PDE6A: variants seen among roughly 807,000 people sequenced by gnomAD.
PDE6A encodes phosphodiesterase 6A, also known as rod cGMP-specific 3',5'-cyclic phosphodiesterase subunit alpha.
Under a neutral mutation model 106.3 loss-of-function variants are expected in PDE6A, and 84 were observed. That is an observed-to-expected ratio of 0.79 (90% confidence interval 0.66 to 0.95). The LOEUF is 0.95. Ranked by LOEUF, PDE6A falls within the 40% of genes least tolerant of loss-of-function variation. The pLI is 0.00. For missense variants in PDE6A, 1,052 were observed against 1,084.9 expected, an observed-to-expected ratio of 0.97 and a Z score of 0.43; for synonymous variants, 394 against 386.6, an observed-to-expected ratio of 1.02 and a Z score of -0.23.
chr5:149,881,878 A>AC (rs534535888), intron 17 of PDE6A, among the ~76,000 whole-genome samples: 102 of 151,796 alleles, frequency 6.7e-4, no homozygotes, highest in African/African-American at 2.3e-3. Context: ...ACATGGCAAA[A>AC]CCTGTTTCTA....
At chr5:149,932,712 G>A in intron 3 of PDE6A, 2 of 1,527,714 alleles carry the variant, frequency 1.3e-6, no homozygotes, top group Middle Eastern at 1.9e-4. Context: ...CTCACCAAAT[G>A]TGTACCAACT....
chr5:149,935,941 C>T (rs1754167458), intron 1 of PDE6A, among the ~76,000 whole-genome samples: 1 of 152,096 alleles, frequency 6.6e-6, no homozygotes, highest in Non-Finnish European at 1.5e-5. Context: ...TGCTTGCGTT[C>T]AGTAGTCCAA....
At chr5:149,907,287 C>T (rs963250692) in intron 7 of PDE6A, 25 bp downstream of exon 7, 2 of 1,562,370 alleles carry the variant, frequency 1.3e-6, no homozygotes, top group Non-Finnish European at 1.8e-6. Flanking sequence ...CCAAAACTCT[C>T]CCCCTTCAAA....
intron 17 of PDE6A, among the ~76,000 whole-genome samples, chr5:149,870,457 C>T (rs528992486): frequency 3.3e-4 from 51 of 152,288 alleles, no homozygotes; most frequent in African/African-American, 1.2e-3. Flanking sequence ...ATAAGAGTCA[C>T]TGGCTCCCTG....
chr5:149,936,312 G>C (rs1754184069), intron 1 of PDE6A, among the ~76,000 whole-genome samples: 1 of 152,184 alleles, frequency 6.6e-6, no homozygotes, highest in Admixed American at 6.5e-5. Context: ...CAGGTGAAGG[G>C]TAAAGGAATT....
intron 4 of PDE6A, among the ~76,000 whole-genome samples, chr5:149,930,083 A>G (rs1434814557): frequency 6.6e-6 from 1 of 152,204 alleles, no homozygotes; most frequent in African/African-American, 2.4e-5. Flanking sequence ...ATAAAGGCTC[A>G]TTAAAAAGAA....
At chr5:149,913,334 A>C (rs1753443410) in intron 6 of PDE6A, among the ~76,000 whole-genome samples, 1 of 151,238 alleles carries the variant, frequency 6.6e-6, no homozygotes, top group Admixed American at 6.6e-5. Context: ...GTGAGCTGAG[A>C]TTCGGCCACT....
intron 9 of PDE6A, among the ~76,000 whole-genome samples, chr5:149,898,976 G>T (rs1581181011): frequency 6.6e-6 from 1 of 152,122 alleles, no homozygotes; most frequent in Admixed American, 6.6e-5. Flanking sequence ...TGATCCTCTT[G>T]CTTCAGTCTC....
chr5:149,898,560 A>T (rs1752845464), intron 9 of PDE6A, 54 bp from the exon 10 acceptor site: 1 of 1,567,196 alleles, frequency 6.4e-7, no homozygotes, highest in Non-Finnish European at 8.7e-7. Context: ...TTTAATCTTG[A>T]CTCTAAAACT....
intron 13 of PDE6A, among the ~76,000 whole-genome samples, chr5:149,893,898 C>T (rs1752634495): frequency 6.6e-6 from 1 of 152,134 alleles, no homozygotes; most frequent in Non-Finnish European, 1.5e-5. Flanking sequence ...ATAATAACTC[C>T]CACAATCAGA....
intron 3 of PDE6A, chr5:149,932,225 A>G: frequency 7.4e-7 from 1 of 1,346,002 alleles, no homozygotes; most frequent in Non-Finnish European, 1.1e-6. Context: ...AAATGCCATA[A>G]AGAGAATCAT....
intron 13 of PDE6A, among the ~76,000 whole-genome samples, chr5:149,893,748 G>T (rs1295350839): frequency 2.0e-5 from 3 of 152,144 alleles, no homozygotes; most frequent in Non-Finnish European, 4.4e-5. Flanking sequence ...CTCTGTTCAT[G>T]CATCACTAGC....
chr5:149,866,084 G>T, intron 20 of PDE6A, 86 bp downstream of exon 20: 1 of 961,058 alleles, frequency 1.0e-6, no homozygotes, highest in Non-Finnish European at 1.7e-6. Flanking sequence ...CTGGTCACCT[G>T]CTAGGGTTTA....
intron 20 of PDE6A, among the ~76,000 whole-genome samples, chr5:149,865,420 A>AG (rs1020593161): frequency 6.6e-6 from 1 of 150,802 alleles, no homozygotes; most frequent in African/African-American, 2.5e-5. Context: ...AAGAAAAAAA[A>AG]AAAACCAGCA....
intron 13 of PDE6A, among the ~76,000 whole-genome samples, chr5:149,891,290 T>C (rs1752536566): frequency 6.6e-6 from 1 of 152,042 alleles, no homozygotes; most frequent in Admixed American, 6.6e-5. Flanking sequence ...GCCAACATGA[T>C]GAAACCCCGT....
intron 5 of PDE6A, among the ~76,000 whole-genome samples, chr5:149,920,942 A>AAAGAAAGAAAGAAAG (rs1554091210): frequency 1.0e-4 from 11 of 108,350 alleles, no homozygotes; most frequent in Admixed American, 2.1e-4. Context: ...GAAAGAGAGA[A>AAAGAAAGAAAGAAAG]AAAGAAAGAA....
At chr5:149,880,331 G>C (rs1424306943) in intron 17 of PDE6A, among the ~76,000 whole-genome samples, 1 of 152,102 alleles carries the variant, frequency 6.6e-6, no homozygotes, top group Non-Finnish European at 1.5e-5. Flanking sequence ...CCAATAGCAG[G>C]GTGTTCCTTT....
intron 4 of PDE6A, among the ~76,000 whole-genome samples, chr5:149,926,933 G>A (rs9688002): frequency 0.14 from 21,366 of 148,084 alleles, 2,348 homozygotes; most frequent in African/African-American, 0.28. Context: ...AGCTGAGATC[G>A]TGCCATTGCA....
intron 3 of PDE6A, chr5:149,932,410 C>G: frequency 1.5e-6 from 2 of 1,368,776 alleles, no homozygotes; most frequent in Non-Finnish European, 2.1e-6. Context: ...GTTTTTAGTG[C>G]GAGGAGTTTA....
Sources: gnomAD v4.1 joint callset for allele counts (sites outside exome capture counted in the v4.1 genomes callset) on GRCh38, gnomAD v4.1.1 for gene constraint, MANE v1.5 for transcripts, NCBI Gene and HGNC (gene_info 2026-07-23, HGNC 2026-07-21) for gene names.